The following CBR4 variants were observed in gnomAD, a reference collection of about 807,000 sequenced individuals.
CBR4 encodes the protein carbonyl reductase 4.
A neutral mutation model predicts 21.0 loss-of-function variants in CBR4; 22 were observed. The ratio of observed to expected loss-of-function variants is 1.05; its 90% confidence interval spans 0.75 to 1.50. The LOEUF (loss-of-function observed/expected upper bound fraction) is 1.50. CBR4 is among the 40% of genes most tolerant of loss of function. The pLI is 0.00. For synonymous variants in CBR4, 100 were observed against 104.4 expected (o/e 0.96, Z 0.26); for missense variants, 302 against 286.3 (o/e 1.05, Z -0.40).
intron 2 of CBR4, among the ~76,000 whole-genome samples, chr4:168,916,754 C>T (rs559362605): frequency 1.1e-4 from 16 of 148,860 alleles, no homozygotes; most frequent in South Asian, 1.1e-3. Context: ...AATCTCGGCT[C>T]GCTGCAACCT....
chr4:168,936,799 C>T (rs112266685), intron 2 of CBR4, among the ~76,000 whole-genome samples: 2 of 152,224 alleles, frequency 1.3e-5, no homozygotes, highest in African/African-American at 4.8e-5. Flanking sequence ...AAAGTCCAAA[C>T]CTACGTTTGA....
intron 4 of CBR4, among the ~76,000 whole-genome samples, chr4:168,996,023 T>C (rs1391252222): frequency 2.0e-5 from 3 of 152,168 alleles, no homozygotes; most frequent in Admixed American, 2.0e-4. Flanking sequence ...CCACCTCGAA[T>C]GAAAAGTCTC....
intron 2 of CBR4, among the ~76,000 whole-genome samples, chr4:168,943,433 A>G (rs1018055724): frequency 3.3e-5 from 5 of 152,238 alleles, no homozygotes; most frequent in Non-Finnish European, 7.3e-5. Flanking sequence ...GCAAAGCCAA[A>G]TGACCATACT....
At chr4:168,952,096 G>A (rs1396723134) in intron 2 of CBR4, among the ~76,000 whole-genome samples, 2 of 152,098 alleles carry the variant, frequency 1.3e-5, no homozygotes, top group South Asian at 2.1e-4. Flanking sequence ...ACTTCTTGGA[G>A]GCTTTATGCA....
rs1560937938 is a variant in CBR4 at position 168,925,084 on chromosome 4, T to TGC, written n.170-30321_170-30320dup. On this transcript the variant is annotated intron_variant and non_coding_transcript_variant, in intron 2 of 3. Transcript: ENST00000509108. ...TGCCAGGCTGGACGTTTACAGTGAG[T>TGC]GCCACTTCATCTCATTTCATTGCGT... 2 of 1,613,806 alleles carry TGC rather than the reference T, an allele frequency of 1.2e-6. No homozygotes were observed. Among genetic ancestry groups the TGC allele is most frequent in the African/African-American group, 2.7e-5 (2 of 74,904 alleles).
At chr4:168,956,272 G>A (rs1763681884) in intron 2 of CBR4, among the ~76,000 whole-genome samples, 1 of 152,030 alleles carries the variant, frequency 6.6e-6, no homozygotes, top group Non-Finnish European at 1.5e-5. Flanking sequence ...CAGATACAGG[G>A]AGGACCCCAG....
Position 168,988,372 on chromosome 4 carries a change from C to T in CBR4, c.*1778G>A. Reference sequence around the variant, plus strand: ...CTATCTATAACCTACATCTTAATGTCAGCAAAACATACTGCTTTCTACCCA... The same window carrying T: ...CTATCTATAACCTACATCTTAATGTTAGCAAAACATACTGCTTTCTACCCA... On this transcript the variant is annotated 3_prime_UTR_variant, in exon 5 of 5. Transcript: ENST00000306193. The T allele has an allele frequency of 1.0e-6, 1 of 985,398 alleles. No individual in the cohort carries two copies. Among genetic ancestry groups the T allele is most frequent in the Non-Finnish European group, 1.2e-6 (1 of 829,920 alleles). 61.0% of individuals were successfully genotyped at this position (985,398 alleles called of 1,614,324 possible).
chr4:168,931,672 GC>G (rs1229816242), intron 2 of CBR4, among the ~76,000 whole-genome samples: 1 of 152,008 alleles, frequency 6.6e-6, no homozygotes, highest in Non-Finnish European at 1.5e-5. Flanking sequence ...CATCCCTGTG[GC>G]CCCAATCCCA....
At chr4:168,900,885 A>T (rs1756367992) in intron 2 of CBR4, among the ~76,000 whole-genome samples, 1 of 152,250 alleles carries the variant, frequency 6.6e-6, no homozygotes, top group Non-Finnish European at 1.5e-5. Flanking sequence ...CTTCCAAGAT[A>T]TTCACAAGAA....
At chr4:168,961,330 T>C (rs1763846311) in intron 2 of CBR4, among the ~76,000 whole-genome samples, 1 of 152,224 alleles carries the variant, frequency 6.6e-6, no homozygotes, top group Non-Finnish European at 1.5e-5. Context: ...TATCTAAATT[T>C]ATTCTGTCTT....
At chr4:168,953,694 G>A (rs1259032714) in intron 2 of CBR4, among the ~76,000 whole-genome samples, 1 of 151,896 alleles carries the variant, frequency 6.6e-6, no homozygotes, top group Non-Finnish European at 1.5e-5. Flanking sequence ...AAAGTGCTTG[G>A]ATTATAGGAG....
At chr4:168,943,693 T>C (rs542397650) in intron 2 of CBR4, among the ~76,000 whole-genome samples, 1 of 152,268 alleles carries the variant, frequency 6.6e-6, no homozygotes, top group African/African-American at 2.4e-5. Context: ...GTGGATCACC[T>C]GAGGTCAGGA....
At chr4:168,959,453 A>G (rs942090574) in intron 2 of CBR4, among the ~76,000 whole-genome samples, 3 of 151,752 alleles carry the variant, frequency 2.0e-5, no homozygotes, top group African/African-American at 7.3e-5. Flanking sequence ...AGTTCATCTT[A>G]AAATCAGGTA....
chr4:168,958,266 GAA>G (rs377591717), intron 2 of CBR4, among the ~76,000 whole-genome samples: 1 of 142,332 alleles, frequency 7.0e-6, no homozygotes, highest in East Asian at 2.1e-4. Context: ...TCCATCTCAG[GAA>G]AAAAAAAAAA....
chr4:168,990,156 A>G lies in CBR4; in HGVS notation c.708T>C (p.Ile236=), dbSNP rs1764839547. The G allele has an allele frequency of 3.1e-6, 5 of 1,592,758 alleles. No homozygotes were observed. Among genetic ancestry groups the G allele is most frequent in the Non-Finnish European group, 4.3e-6 (5 of 1,170,048 alleles). ...TAACTGAATAATCTGCAAATTACAA[A>G]ATGAGTTGTAATCCCCCATCCACTA... ...VLVVDGGLQL[I]L The change falls in exon 5 of 5, where the codon ATT becomes ATC. Residue 236 remains isoleucine (I), a synonymous_variant. Transcript: ENST00000306193.
chr4:168,931,098 G>A (rs1304900246), intron 2 of CBR4, among the ~76,000 whole-genome samples: 1 of 152,168 alleles, frequency 6.6e-6, no homozygotes, highest in Non-Finnish European at 1.5e-5. Context: ...GTTCTGCACA[G>A]CAGGAAAACC....
chr4:168,982,785 A>T (rs1197872284), downstream of CBR4, among the ~76,000 whole-genome samples: 2 of 152,156 alleles, frequency 1.3e-5, no homozygotes, highest in African/African-American at 4.8e-5. Context: ...CATACAATTA[A>T]ATGGACATTA....
intron 2 of CBR4, among the ~76,000 whole-genome samples, chr4:168,900,884 T>C (rs1756367199): frequency 6.6e-6 from 1 of 152,232 alleles, no homozygotes; most frequent in Non-Finnish European, 1.5e-5. Flanking sequence ...ACTTCCAAGA[T>C]ATTCACAAGA....
intron 2 of CBR4, among the ~76,000 whole-genome samples, chr4:168,934,874 A>G (rs1001561990): frequency 9.2e-5 from 14 of 152,226 alleles, no homozygotes; most frequent in African/African-American, 3.4e-4. Context: ...ATAAGGACAT[A>G]ACAAAAAAAC....
Sources: gnomAD v4.1 joint callset for allele counts (sites outside exome capture counted in the v4.1 genomes callset) on GRCh38, gnomAD v4.1.1 for gene constraint, MANE v1.5 for transcripts, NCBI Gene and HGNC (gene_info 2026-07-23, HGNC 2026-07-21) for gene names.